NCKAP1: variants seen among roughly 807,000 people sequenced by gnomAD.
NCKAP1 encodes the protein nck-associated protein 1.
Under a neutral mutation model 151.2 loss-of-function variants are expected in NCKAP1, and 21 were observed. The ratio of observed to expected loss-of-function variants is 0.14; its 90% CI spans 0.10 to 0.20. NCKAP1 has a LOEUF of 0.20. Among genes scored for constraint, NCKAP1 ranks in the 10% least tolerant of loss-of-function variants. NCKAP1 has a pLI of 1.00. For synonymous variants in NCKAP1, 484 were observed against 451.8 expected, an observed-to-expected ratio of 1.07 and a Z score of -0.90; for missense variants, 933 against 1,352.1, an observed-to-expected ratio of 0.69 and a Z score of 4.86.
At chr2:182,941,347 A>G (rs2105810767) in intron 24 of NCKAP1, among the ~76,000 whole-genome samples, 1 of 152,344 alleles carries the variant, frequency 6.6e-6, no homozygotes, top group African/African-American at 2.4e-5. Context: ...ATCAATGTCA[A>G]GAAGACATTA....
chr2:182,987,118 T>A (rs1310604480), intron 9 of NCKAP1, among the ~76,000 whole-genome samples: 2 of 152,142 alleles, frequency 1.3e-5, no homozygotes, highest in East Asian at 3.9e-4. Context: ...GGCGGGCACC[T>A]GTAATCCTAA....
chr2:182,959,852 C>A (rs546584672), intron 18 of NCKAP1, among the ~76,000 whole-genome samples: 11 of 152,054 alleles, frequency 7.2e-5, no homozygotes, highest in Non-Finnish European at 1.3e-4. Context: ...TTGTCTCAGC[C>A]CAAAATCTCA....
Position 182,924,321 on chromosome 2 carries a change from ATCTT to A in NCKAP1, c.*1377_*1380del, listed in dbSNP as rs1454086461. The A allele has an allele frequency of 1.3e-5, 2 of 152,206 alleles. No homozygotes were observed. The highest frequency in any genetic ancestry group is 4.8e-5 in the African/African-American group (2 of 41,446). The allele number at this position is 152,206 out of a possible 1,614,324, so 9.4% of individuals were successfully genotyped here. On this transcript the variant is annotated 3_prime_UTR_variant, in exon 31 of 31. Coordinates refer to ENST00000361354, the MANE Select transcript of NCKAP1 (RefSeq NM_013436.5). ...ACTGAGTTCACAGCAGCCTTCTTTTATCTTAACACAAGTTACCAGTGTATACATA... is the reference window on the plus strand; with the variant it reads ...ACTGAGTTCACAGCAGCCTTCTTTTAAACACAAGTTACCAGTGTATACATA...
At chr2:182,956,438 A>G (rs1259428441) in intron 20 of NCKAP1, 24 bp downstream of exon 20, 6 of 1,602,516 alleles carry the variant, frequency 3.7e-6, no homozygotes, top group South Asian at 2.3e-5. Flanking sequence ...TCAACAAACA[A>G]AAACAGTCAA....
At chr2:183,007,644 T>G (rs909709147) in intron 2 of NCKAP1, among the ~76,000 whole-genome samples, 1 of 152,228 alleles carries the variant, frequency 6.6e-6, no homozygotes, top group African/African-American at 2.4e-5. Context: ...ATCTAAGTTT[T>G]GCTAGCATTT....
At chr2:182,936,553 TA>T (rs1008093051) in intron 24 of NCKAP1, among the ~76,000 whole-genome samples, 1 of 152,224 alleles carries the variant, frequency 6.6e-6, no homozygotes, top group African/African-American at 2.4e-5. Context: ...ATGTATATAC[TA>T]CAGTAACTGT....
chr2:182,923,652 A>G lies in NCKAP1; in HGVS notation c.*2050T>C, dbSNP rs2105793105. On this transcript the variant is annotated 3_prime_UTR_variant, in exon 31 of 31. Coordinates refer to ENST00000361354, the MANE Select transcript of NCKAP1 (RefSeq NM_013436.5). The stretch of plus-strand genomic sequence containing the variant: ...CATTTTTTCTACTACTGAGTGAAAT[A>G]AGCAGATTACAGGCCAGTATGTATG... The G allele has an allele frequency of 6.6e-6, 1 of 152,352 alleles. No individual in the cohort carries two copies. The highest frequency in any genetic ancestry group is 1.9e-4 in the East Asian group (1 of 5,194). 9.4% of individuals were successfully genotyped at this position (152,352 alleles called of 1,614,324 possible). A position where few individuals can be genotyped will look rare whatever the true frequency, so the allele number is the denominator to read the frequency against.
At chr2:183,020,880 C>T (rs1440509664) in intron 2 of NCKAP1, among the ~76,000 whole-genome samples, 2 of 151,958 alleles carry the variant, frequency 1.3e-5, no homozygotes, top group Non-Finnish European at 1.5e-5. Flanking sequence ...AACTTCTCAC[C>T]AAAATTTTAG....
At position 182,924,378 on chromosome 2, in the gene NCKAP1, A is replaced by G. The variant is rs1404226039; in HGVS notation, c.*1324T>C. The G allele has an allele frequency of 6.6e-6, 1 of 152,226 alleles. No homozygotes were observed. The highest frequency in any genetic ancestry group is 1.5e-5 in the Non-Finnish European group (1 of 68,048). The allele number at this position is 152,226 out of a possible 1,614,324, so 9.4% of individuals were successfully genotyped here. ...AAGCTGTGAACAGAAGCTCTTTATGATATTCATATACAAAGCTGCTGAGAA... is the reference window on the plus strand; with the variant it reads ...AAGCTGTGAACAGAAGCTCTTTATGGTATTCATATACAAAGCTGCTGAGAA... On this transcript the variant is annotated 3_prime_UTR_variant, in exon 31 of 31. Coordinates refer to ENST00000361354, the MANE Select transcript of NCKAP1 (RefSeq NM_013436.5).
chr2:183,020,902 C>G (rs1698786266), intron 2 of NCKAP1, among the ~76,000 whole-genome samples: 1 of 150,932 alleles, frequency 6.6e-6, no homozygotes, highest in Non-Finnish European at 1.5e-5. Flanking sequence ...AGACCCAGAT[C>G]AAAACTGAGA....
intron 20 of NCKAP1, among the ~76,000 whole-genome samples, chr2:182,955,215 C>A (rs1697300684): frequency 6.6e-6 from 1 of 152,180 alleles, no homozygotes; most frequent in Admixed American, 6.6e-5. Flanking sequence ...ATCTCACCAG[C>A]TACAGTTCTA....
rs1384695155 is a variant in NCKAP1, at chr2:183,009,467, G to C, written c.220-6142C>G. ...GGAAGGAAGGAAGGAAGGAAGGAAG[G>C]AAGGAAGGAAGCAAGCAAGCAAGCA... is the stretch of plus-strand genomic sequence containing the variant. On this transcript the variant is annotated intron_variant, in intron 2 of 30. Transcript: ENST00000361354. Among the ~76,000 whole-genome samples, 290 of 132,882 alleles carry C rather than the reference G, an allele frequency of 2.2e-3. 1 individual carries two copies. The highest frequency in any genetic ancestry group is 9.4e-3 in the African/African-American group (251 of 26,672). 87.2% of individuals were successfully genotyped at this position (132,882 alleles called of 152,430 possible).
chr2:182,930,665 G>A, intron 27 of NCKAP1, 30 bp downstream of exon 27: 1 of 1,550,864 alleles, frequency 6.4e-7, no homozygotes, highest in Non-Finnish European at 8.9e-7. Flanking sequence ...CTTTAACTAA[G>A]AGTATTAAAT....
intron 24 of NCKAP1, among the ~76,000 whole-genome samples, chr2:182,938,719 T>C (rs1448001000): frequency 6.6e-6 from 1 of 152,098 alleles, no homozygotes; most frequent in African/African-American, 2.4e-5. Flanking sequence ...GAAAACTGCT[T>C]TGTGGGAATG....
At position 182,923,367 on chromosome 2, in the gene NCKAP1, G is replaced by T. The variant is rs975049862; in HGVS notation, c.*2335C>A. ...AGCTCACAGCAACCTCCTCCTTCCGGGTTCAAACAATTCTTCCACCTCAGC... is the reference window on the plus strand; with the variant it reads ...AGCTCACAGCAACCTCCTCCTTCCGTGTTCAAACAATTCTTCCACCTCAGC... On this transcript the variant is annotated 3_prime_UTR_variant, in exon 31 of 31. Transcript: ENST00000361354. The T allele has an allele frequency of 1.3e-5, 2 of 152,020 alleles. No homozygotes were observed. The highest frequency in any genetic ancestry group is 4.8e-5 in the African/African-American group (2 of 41,378). The allele number at this position is 152,020 out of a possible 1,614,324, so 9.4% of individuals were successfully genotyped here.
chr2:182,988,338 A>C lies in NCKAP1; in HGVS notation c.947+692T>G, dbSNP rs149778911. Among the ~76,000 whole-genome samples the C allele has an allele frequency of 1.2e-3, 188 of 152,306 alleles. 2 individuals are homozygous for C. The highest frequency in any genetic ancestry group is 4.4e-3 in the African/African-American group (182 of 41,564). On this transcript the variant is annotated intron_variant, in intron 9 of 30. Coordinates refer to ENST00000361354, the MANE Select transcript of NCKAP1 (RefSeq NM_013436.5). ...ATAAGCAAATTTCACTGTTATCTGA[A>C]GCTAGGAAGCCCAACTTATATATTC...
chr2:182,928,434 T>C (rs986286968), intron 28 of NCKAP1, among the ~76,000 whole-genome samples: 6 of 152,122 alleles, frequency 3.9e-5, no homozygotes, highest in Non-Finnish European at 7.4e-5. Context: ...ATCGTGTATA[T>C]GTTAAACAGG....
At position 182,922,997 on chromosome 2, in the gene NCKAP1, G is replaced by C. The variant is rs1016372388; in HGVS notation, c.*2705C>G. On this transcript the variant is annotated 3_prime_UTR_variant, in exon 31 of 31. Transcript: ENST00000361354. ...CCATTGCCCATTTCCTGGGCAACAA[G>C]AGTGAAACTCCGTCTCAAGAAGCTG... The C allele has an allele frequency of 2.0e-5, 3 of 152,148 alleles. No individual in the cohort carries two copies. Among genetic ancestry groups the C allele is most frequent in the African/African-American group, 7.2e-5 (3 of 41,410 alleles). The allele number at this position is 152,148 out of a possible 1,614,324, so 9.4% of individuals were successfully genotyped here. A position where few individuals can be genotyped will look rare whatever the true frequency, so the allele number is the denominator to read the frequency against.
chr2:182,968,116 T>C (rs1464076952), intron 15 of NCKAP1, among the ~76,000 whole-genome samples: 1 of 152,212 alleles, frequency 6.6e-6, no homozygotes, highest in Non-Finnish European at 1.5e-5. Context: ...ACAGCCTGTA[T>C]ACCACGTTAA....
Sources: allele counts gnomAD v4.1 joint callset (sites outside exome capture counted in the v4.1 genomes callset), GRCh38; gene constraint gnomAD v4.1.1; transcripts MANE v1.5; gene names NCBI Gene and HGNC (gene_info 2026-07-23, HGNC 2026-07-21).